PRH1: variants seen among roughly 807,000 people sequenced by gnomAD.
PRH1 encodes salivary acidic proline-rich phosphoprotein 1/2.
Under a neutral mutation model 7.9 loss-of-function variants are expected in PRH1, and 7 were observed. The ratio of observed to expected loss-of-function variants is 0.89; its 90% CI spans 0.50 to 1.67. The LOEUF is 1.67. PRH1 is among the 40% of genes most tolerant of loss of function. PRH1 has a pLI of 0.00. For synonymous variants in PRH1, 45 were observed against 80.8 expected, an observed-to-expected ratio of 0.56 and a Z score of 2.38; for missense variants, 109 against 223.6, an observed-to-expected ratio of 0.49 and a Z score of 3.27.
chr12:11,169,796 T>G (rs943595732), intron 1 of PRH1, among the ~76,000 whole-genome samples: 1 of 152,206 alleles, frequency 6.6e-6, no homozygotes, highest in Non-Finnish European at 1.5e-5. Flanking sequence ...ATTTTAGAAG[T>G]TGTCATAAGT....
intron 1 of PRH1, among the ~76,000 whole-genome samples, chr12:11,097,481 A>G (rs1945100805): frequency 8.7e-6 from 1 of 114,554 alleles, no homozygotes; most frequent in African/African-American, 2.9e-5. Flanking sequence ...CACGAAAATT[A>G]AATTGTTTCT....
intron 1 of PRH1, among the ~76,000 whole-genome samples, chr12:11,063,631 C>A (rs2136187323): frequency 6.6e-6 from 1 of 152,208 alleles, no homozygotes; most frequent in East Asian, 1.9e-4. Flanking sequence ...AAAAACATAA[C>A]TGATAAATCA....
intron 1 of PRH1, among the ~76,000 whole-genome samples, chr12:11,057,352 T>C (rs1037168402): frequency 6.6e-6 from 1 of 152,176 alleles, no homozygotes; most frequent in Non-Finnish European, 1.5e-5. Context: ...CTCATGTCCA[T>C]CCCAAGGTGG....
intron 2 of PRH1, among the ~76,000 whole-genome samples, chr12:10,957,626 A>G (rs1021976756): frequency 6.6e-6 from 1 of 152,216 alleles, no homozygotes; most frequent in African/African-American, 2.4e-5. Context: ...CAGAGTAAAC[A>G]GACAACCTGC....
intron 2 of PRH1, among the ~76,000 whole-genome samples, chr12:10,971,937 TA>T (rs1467008839): frequency 6.6e-6 from 1 of 152,206 alleles, no homozygotes; most frequent in Non-Finnish European, 1.5e-5. Context: ...ATTCTATTAT[TA>T]AATTTTCTAA....
chr12:10,960,914 G>A (rs936526870), intron 2 of PRH1, among the ~76,000 whole-genome samples: 3 of 152,094 alleles, frequency 2.0e-5, no homozygotes, highest in South Asian at 2.1e-4. Context: ...TAAAAAAGAG[G>A]CACAGTGTTT....
intron 2 of PRH1, among the ~76,000 whole-genome samples, chr12:10,931,550 T>A (rs1950213676): frequency 6.6e-6 from 1 of 152,184 alleles, no homozygotes; most frequent in South Asian, 2.1e-4. Context: ...AAGTCATACA[T>A]GCTTAAGCTA....
intron 1 of PRH1, among the ~76,000 whole-genome samples, chr12:11,027,163 G>A (rs1306710932): frequency 6.6e-6 from 1 of 151,282 alleles, no homozygotes; most frequent in Non-Finnish European, 1.5e-5. Context: ...TGCTAGCAAT[G>A]CAGAGGTGGG....
At chr12:11,006,371 C>CTTTTTTTT (rs199571634) in intron 1 of PRH1, 3 of 123,206 alleles carry the variant, frequency 2.4e-5, no homozygotes, top group African/African-American at 3.0e-5. Flanking sequence ...TTCTCCTTTT[C>CTTTTTTTT]TTTTTTTTTT....
At chr12:10,972,932 A>ACCC (rs545868427) in intron 2 of PRH1, among the ~76,000 whole-genome samples, 164 of 78,998 alleles carry the variant, frequency 2.1e-3, no homozygotes, top group South Asian at 3.0e-3. Context: ...ACCACAACCC[A>ACCC]CCCCCCCCGC....
chr12:11,123,802 T>C (rs1460414168), intron 1 of PRH1, among the ~76,000 whole-genome samples: 6 of 152,246 alleles, frequency 3.9e-5, no homozygotes, highest in East Asian at 1.9e-4. Context: ...TGGTTAACTC[T>C]GTCTATTGGA....
At chr12:11,022,196 T>G (rs12424373) in intron 1 of PRH1, 35,880 of 1,614,016 alleles carry the variant, frequency 0.022, 1,951 homozygotes, top group Admixed American at 0.14. Flanking sequence ...ACAACACTCT[T>G]AATTCTCTTC....
In PRH1 at chr12:10,965,279, C is replaced by A. The variant is rs1481653391; in HGVS notation, c.-59+8376G>T. ...AATGGAATTTACCAACACTATGAAG[C>A]CATTAGCAAAATTCCCAAGAACAAA... On this transcript the variant is annotated intron_variant, in intron 2 of 3. Transcript: ENST00000539853. The A allele has an allele frequency of 2.8e-6, 4 of 1,438,758 alleles. No homozygotes were observed. The East Asian group carries it at 1.0e-4, about 37-fold the overall frequency. The allele number at this position is 1,438,758 out of a possible 1,614,324, so 89.1% of individuals were successfully genotyped here. A position where few individuals can be genotyped will look rare whatever the true frequency, so the allele number is the denominator to read the frequency against.
chr12:11,148,560 T>G (rs1393163157), intron 1 of PRH1, among the ~76,000 whole-genome samples: 2 of 147,518 alleles, frequency 1.4e-5, no homozygotes, highest in Middle Eastern at 6.8e-3. Context: ...GGTTTTTGTC[T>G]TTGGTTCTGT....
At position 11,042,623 on chromosome 12, in the gene PRH1, C is replaced by CTTTTTTTTTTTTTTTTTTT. The variant is rs71051557; in HGVS notation, c.-126+4378_-126+4396dup. Among the ~76,000 whole-genome samples, 314 of 79,292 alleles carry CTTTTTTTTTTTTTTTTTTT rather than the reference C, an allele frequency of 4.0e-3. 33 individuals carry two copies. The highest frequency in any genetic ancestry group is 6.2e-3 in the African/African-American group (117 of 18,904). The allele number at this position is 79,292 out of a possible 152,430, so 52.0% of individuals were successfully genotyped here. A position where few individuals can be genotyped will look rare whatever the true frequency, so the allele number is the denominator to read the frequency against. On this transcript the variant is annotated intron_variant, in intron 1 of 3. Transcript: ENST00000539853. ...AAGAGGGACTACTTCCAGGCTCATT[C>CTTTTTTTTTTTTTTTTTTT]TTTTTTTTTTTTTTTTTTTTTTTTG... is the stretch of plus-strand genomic sequence containing the variant.
At chr12:11,122,611 G>A (rs1460269587) in intron 1 of PRH1, among the ~76,000 whole-genome samples, 3 of 152,264 alleles carry the variant, frequency 2.0e-5, no homozygotes, top group African/African-American at 4.8e-5. Context: ...TGAAAAATCT[G>A]GGGTTGGCAG....
At chr12:10,896,573 C>T (rs1234905039) in intron 2 of PRH1, among the ~76,000 whole-genome samples, 4 of 151,932 alleles carry the variant, frequency 2.6e-5, no homozygotes, top group African/African-American at 7.3e-5. Flanking sequence ...ACCAGCCTGG[C>T]CAACATGGTG....
At chr12:11,107,943 A>C (rs1945474690) in intron 1 of PRH1, among the ~76,000 whole-genome samples, 2 of 152,252 alleles carry the variant, frequency 1.3e-5, no homozygotes, top group South Asian at 4.1e-4. Flanking sequence ...ATGGAGCTCC[A>C]CTACATGTGG....
chr12:11,161,847 T>C (rs960990860), intron 1 of PRH1, among the ~76,000 whole-genome samples: 7 of 152,226 alleles, frequency 4.6e-5, no homozygotes, highest in African/African-American at 1.7e-4. Flanking sequence ...GAAAAATGTT[T>C]ATCTATTTTC....
Sources: allele counts gnomAD v4.1 joint callset (sites outside exome capture counted in the v4.1 genomes callset), GRCh38; gene constraint gnomAD v4.1.1; transcripts MANE v1.5; gene names NCBI Gene and HGNC (gene_info 2026-07-23, HGNC 2026-07-21).